The following TPST2 variants were observed in gnomAD, a reference collection of about 807,000 sequenced individuals.
TPST2 encodes protein-tyrosine sulfotransferase 2.
TPST2 carries 16 observed loss-of-function variants against 27.8 expected under a neutral mutation model. That is an observed-to-expected ratio of 0.58 (90% CI 0.39 to 0.88). TPST2 has a LOEUF of 0.88. TPST2 is among the 40% of genes least tolerant of loss of function. TPST2 has a pLI of 0.00. For synonymous variants in TPST2, 229 were observed against 231.7 expected (o/e 0.99, Z 0.10); for missense variants, 464 against 543.1 (o/e 0.85, Z 1.45).
chr22:26,525,546 T>C lies in TPST2; in HGVS notation c.*729A>G, dbSNP rs773040427. On this transcript the variant is annotated 3_prime_UTR_variant, in exon 7 of 7. Transcript: ENST00000338754. Reference sequence around the variant, plus strand: ...CTGATTTTAATGTTTATCCTTTTGCTGTAATAAACCATAACCATAAGGATA... The same window carrying C: ...CTGATTTTAATGTTTATCCTTTTGCCGTAATAAACCATAACCATAAGGATA... 6.6e-6 allele frequency: 1 copy of C among 152,256 alleles called. No homozygotes were observed. Among genetic ancestry groups the C allele is most frequent in the Non-Finnish European group, 1.5e-5 (1 of 68,054 alleles). The allele number at this position is 152,256 out of a possible 1,614,324, so 9.4% of individuals were successfully genotyped here. A position where few individuals can be genotyped will look rare whatever the true frequency, so the allele number is the denominator to read the frequency against.
chr22:26,587,557 T>G (rs1034081423), intron 1 of TPST2, among the ~76,000 whole-genome samples: 1 of 152,024 alleles, frequency 6.6e-6, no homozygotes, highest in Non-Finnish European at 1.5e-5. Flanking sequence ...GATAGGCTGG[T>G]CTCGAACTCC....
At chr22:26,544,811 G>T in intron 1 of TPST2, 136 bp from the exon 2 acceptor site, 1 of 283,928 alleles carries the variant, frequency 3.5e-6, no homozygotes, top group Non-Finnish European at 5.3e-6. Context: ...CTGGAATGCA[G>T]GGGAGGCTGC....
chr22:26,532,886 T>G, intron 4 of TPST2, 141 bp from the exon 5 acceptor site: 1 of 723,666 alleles, frequency 1.4e-6, no homozygotes, highest in Non-Finnish European at 2.4e-6. Flanking sequence ...CTTAAGCTCC[T>G]CTTCTTCTAG....
At chr22:26,585,496 G>C (rs1170685362) in intron 1 of TPST2, among the ~76,000 whole-genome samples, 1 of 152,156 alleles carries the variant, frequency 6.6e-6, no homozygotes, top group Non-Finnish European at 1.5e-5. Flanking sequence ...AGTCATCCCA[G>C]ATCTCTGGAG....
intron 1 of TPST2, among the ~76,000 whole-genome samples, chr22:26,546,605 T>C (rs1010949028): frequency 2.0e-5 from 3 of 152,278 alleles, no homozygotes; most frequent in Non-Finnish European, 4.4e-5. Flanking sequence ...TGTCAGTCAT[T>C]TGGAGCTGTG....
rs1924706509 is a variant in TPST2 at position 26,524,263 on chromosome 22, C to A, written c.*2012G>T. On this transcript the variant is annotated 3_prime_UTR_variant, in exon 7 of 7. Transcript: ENST00000338754. ...CTGAGGGCTTATCTGGTATCAAGGA[C>A]CACCGCCAATGTCATCCATTAGCCA... 1 of 152,126 alleles carries A rather than the reference C, an allele frequency of 6.6e-6. No homozygotes were observed. The highest frequency in any genetic ancestry group is 2.4e-5 in the African/African-American group (1 of 41,416). 9.4% of individuals were successfully genotyped at this position (152,126 alleles called of 1,614,324 possible).
rs1925868527 is a variant in TPST2 at position 26,541,898 on chromosome 22, T to C, written c.-88-180A>G. ...GGCACTTTTTTCAATTTTTTTTGTT[T>C]TTTTAAAGAGATGGGGTCTCACCAT... is the stretch of plus-strand genomic sequence containing the variant. On this transcript the variant is annotated intron_variant, in intron 2 of 6. Coordinates refer to ENST00000338754, the MANE Select transcript of TPST2 (RefSeq NM_003595.5). The surrounding 1 kb of genome is among the most constrained non-coding windows in gnomAD (Gnocchi z 5.9). Among the ~76,000 whole-genome samples, 1 of 152,184 alleles carries C rather than the reference T, an allele frequency of 6.6e-6. No individual in the cohort carries two copies. The highest frequency in any genetic ancestry group is 2.4e-5 in the African/African-American group (1 of 41,436).
At chr22:26,582,317 C>T (rs1928146671) in intron 1 of TPST2, among the ~76,000 whole-genome samples, 1 of 152,150 alleles carries the variant, frequency 6.6e-6, no homozygotes. Context: ...ATCCCAGCTA[C>T]TTGGGAGGCT....
At chr22:26,550,475 T>C (rs1569185276) in intron 1 of TPST2, 8 of 582,676 alleles carry the variant, frequency 1.4e-5, no homozygotes, top group Non-Finnish European at 1.7e-5. Flanking sequence ...AATCATCATT[T>C]CTCCAAGCTC....
At chr22:26,568,761 C>T (rs1456350207) in intron 1 of TPST2, among the ~76,000 whole-genome samples, 2 of 152,160 alleles carry the variant, frequency 1.3e-5, no homozygotes, top group Admixed American at 6.5e-5. Context: ...TAAATATAGC[C>T]AACCAGCAGT....
chr22:26,557,144 CT>C (rs1408501860), intron 1 of TPST2, among the ~76,000 whole-genome samples: 1 of 152,236 alleles, frequency 6.6e-6, no homozygotes, highest in African/African-American at 2.4e-5. Context: ...ACCTTGGCTA[CT>C]AAGTTAGCAG....
intron 1 of TPST2, among the ~76,000 whole-genome samples, chr22:26,569,422 AAT>A (rs1927512127): frequency 6.6e-6 from 1 of 152,218 alleles, no homozygotes. Flanking sequence ...GTCTTTTGAA[AAT>A]TCATTGAGCT....
chr22:26,571,399 C>T (rs1019664138), intron 1 of TPST2, among the ~76,000 whole-genome samples: 2 of 152,170 alleles, frequency 1.3e-5, no homozygotes, highest in African/African-American at 2.4e-5. Context: ...CCCGCCAACA[C>T]GGCACTCCAG....
chr22:26,558,231 C>A (rs1569189061), intron 1 of TPST2, among the ~76,000 whole-genome samples: 1 of 151,418 alleles, frequency 6.6e-6, no homozygotes, highest in African/African-American at 2.4e-5. Context: ...CACCATCTCC[C>A]AGGTTCAAGT....
At chr22:26,586,600 A>G (rs562150248) in intron 1 of TPST2, among the ~76,000 whole-genome samples, 1 of 152,328 alleles carries the variant, frequency 6.6e-6, no homozygotes, top group East Asian at 1.9e-4. Flanking sequence ...GGACAAGGAA[A>G]GGCAAGTATG....
rs1445425579 is a variant in TPST2, at chr22:26,524,898, T to C, written c.*1377A>G. On this transcript the variant is annotated 3_prime_UTR_variant, in exon 7 of 7. Transcript: ENST00000338754. ...ATCCTCCCAAGTAGGGGTGTCTTTGTATACCTCAGGCCTTGGGCCATACCA... is the reference window on the plus strand; with the variant it reads ...ATCCTCCCAAGTAGGGGTGTCTTTGCATACCTCAGGCCTTGGGCCATACCA... 1 of 152,240 alleles carries C rather than the reference T, an allele frequency of 6.6e-6. No homozygotes were observed. The highest frequency in any genetic ancestry group is 2.4e-5 in the African/African-American group (1 of 41,464). The allele number at this position is 152,240 out of a possible 1,614,324, so 9.4% of individuals were successfully genotyped here. A position where few individuals can be genotyped will look rare whatever the true frequency, so the allele number is the denominator to read the frequency against.
intron 1 of TPST2, chr22:26,560,992 A>C: frequency 6.2e-7 from 1 of 1,609,300 alleles, no homozygotes; most frequent in Non-Finnish European, 8.5e-7. Context: ...GAAAAATACG[A>C]AAAGGATATT....
intron 1 of TPST2, among the ~76,000 whole-genome samples, chr22:26,548,225 C>A (rs1347066150): frequency 6.6e-6 from 1 of 152,082 alleles, no homozygotes; most frequent in African/African-American, 2.4e-5. Context: ...ACCTGTAATC[C>A]CAGCACTTTG....
At chr22:26,545,419 T>C (rs75453083) in intron 1 of TPST2, among the ~76,000 whole-genome samples, 1,586 of 152,290 alleles carry the variant, frequency 0.01, 9 homozygotes, top group South Asian at 0.016. Flanking sequence ...TCCTGGCATG[T>C]AGCCAGAACC....
Sources: gnomAD v4.1 joint callset for allele counts (sites outside exome capture counted in the v4.1 genomes callset) on GRCh38, gnomAD v4.1.1 for gene constraint, Gnocchi (gnomAD v3.1) non-coding constraint, MANE v1.5 for transcripts, NCBI Gene and HGNC (gene_info 2026-07-23, HGNC 2026-07-21) for gene names.